Variants in RYR2 observed in about 807,000 individuals in gnomAD.
RYR2 encodes ryanodine receptor 2.
In RYR2, 227 loss-of-function variants were observed where a neutral mutation model predicts 601.1. That is an observed-to-expected ratio of 0.38 (90% CI 0.34 to 0.42). The LOEUF is 0.42. Among genes scored for constraint, RYR2 ranks in the 10% least tolerant of loss-of-function variants. The probability of loss-of-function intolerance (pLI) is 1.00; values close to 1 mark genes in which losing one functional copy is unlikely to be tolerated. For synonymous variants in RYR2, 2,223 were observed against 2,175.1 expected (o/e 1.02, Z -0.61); for missense variants, 4,646 against 6,156.5 (o/e 0.75, Z 8.21).
intron 29 of RYR2, among the ~76,000 whole-genome samples, chr1:237,585,726 G>GA (rs1249130932): frequency 6.6e-6 from 1 of 151,922 alleles, no homozygotes; most frequent in Non-Finnish European, 1.5e-5. Context: ...CTTAAAATGA[G>GA]AAAAAAATAT....
At position 237,108,304 on chromosome 1, in the gene RYR2, C is replaced by T. The variant is rs540800697; in HGVS notation, c.48+65735C>T. Among the ~76,000 whole-genome samples, 168 of 152,276 alleles carry T rather than the reference C, an allele frequency of 1.1e-3. 2 individuals carry two copies. The highest frequency in any genetic ancestry group is 0.011 in the Admixed American group (165 of 15,292). On this transcript the variant is annotated intron_variant, in intron 1 of 104. Coordinates refer to ENST00000366574, the MANE Select transcript of RYR2 (RefSeq NM_001035.3). ...GGCCCAGTATATGATACTCCCCTTT[C>T]CTGCCCAGCTTCTGAATGAATTGAG...
At chr1:237,394,126 T>C (rs1702619627) in intron 10 of RYR2, among the ~76,000 whole-genome samples, 1 of 152,240 alleles carries the variant, frequency 6.6e-6, no homozygotes, top group African/African-American at 2.4e-5. Context: ...ACTTAATCTA[T>C]ATGTAAGCAA....
chr1:237,140,552 A>C (rs1673278197), intron 1 of RYR2, among the ~76,000 whole-genome samples: 1 of 152,178 alleles, frequency 6.6e-6, no homozygotes, highest in African/African-American at 2.4e-5. Flanking sequence ...TCTCCTTATA[A>C]AATTGGAGAC....
Position 237,783,853 on chromosome 1 carries a change from C to T in RYR2, c.12141C>T (p.Asp4047=), listed in dbSNP as rs1232796204. Residue 4047 remains aspartate (D), a synonymous_variant, in exon 90 of 105, where the codon GAC becomes GAT. Coordinates refer to ENST00000366574, the MANE Select transcript of RYR2 (RefSeq NM_001035.3). ...GCAAGGGAGTCATTTCCAAGAGGGA[C>T]TTCCACAAAGCGATGGAGAGCCATA... is the stretch of plus-strand genomic sequence containing the variant. ...PDGKGVISKR[D]FHKAMESHKH... 2 of 1,613,730 alleles carry T rather than the reference C, an allele frequency of 1.2e-6. No homozygotes were observed. The highest frequency in any genetic ancestry group is 4.5e-5 in the East Asian group (2 of 44,856).
chr1:237,550,538 C>T lies in RYR2; in HGVS notation c.3067-6C>T. 6.2e-7 allele frequency: 1 copy of T among 1,608,152 alleles called. No homozygotes were observed. Among genetic ancestry groups the T allele is most frequent in the Non-Finnish European group, 8.5e-7 (1 of 1,177,302 alleles). On this transcript the variant is annotated splice_polypyrimidine_tract_variant and splice_region_variant and intron_variant, in intron 26 of 104. Transcript: ENST00000366574. ...TTTGACGGCTGCACCCTGTGTTTTC[C>T]TGCAGGACGTAAAGAACAGAAGAAA... is the stretch of plus-strand genomic sequence containing the variant.
chr1:237,523,029 A>G (rs1464279076), intron 24 of RYR2, among the ~76,000 whole-genome samples: 1 of 152,230 alleles, frequency 6.6e-6, no homozygotes, highest in Non-Finnish European at 1.5e-5. Context: ...AAATCATCAA[A>G]TAAAGTGGTT....
intron 25 of RYR2, among the ~76,000 whole-genome samples, chr1:237,535,013 T>A (rs1668460527): frequency 6.6e-6 from 1 of 151,930 alleles, no homozygotes; most frequent in South Asian, 2.1e-4. Context: ...AAGTTCAATA[T>A]ATAATACCTC....
At chr1:237,043,024 G>C (rs1010021242) in intron 1 of RYR2, among the ~76,000 whole-genome samples, 42 of 152,328 alleles carry the variant, frequency 2.8e-4, no homozygotes, top group African/African-American at 1.0e-3. Flanking sequence ...CCGCCGCCGG[G>C]AGGTTTCTTG....
intron 25 of RYR2, among the ~76,000 whole-genome samples, chr1:237,545,829 G>T (rs1468205835): frequency 2.6e-5 from 4 of 151,758 alleles, no homozygotes; most frequent in Non-Finnish European, 4.4e-5. Flanking sequence ...GGAGGCTGAG[G>T]CAGGAGGACT....
chr1:237,045,120 A>C (rs972830227), intron 1 of RYR2, among the ~76,000 whole-genome samples: 8 of 152,186 alleles, frequency 5.3e-5, no homozygotes, highest in Admixed American at 2.6e-4. Flanking sequence ...ATTTGATGGG[A>C]CATTTCATAT....
At position 237,723,592 on chromosome 1, in the gene RYR2, A is replaced by G. The variant is rs1255360293; in HGVS notation, c.10689+330A>G. ...AGTTACATCTGATTTCAAATACTTTATGCATACTTCATTTTTTAATATTGC... is the reference window on the plus strand; with the variant it reads ...AGTTACATCTGATTTCAAATACTTTGTGCATACTTCATTTTTTAATATTGC... On this transcript the variant is annotated intron_variant, in intron 74 of 104. Coordinates refer to ENST00000366574, the MANE Select transcript of RYR2 (RefSeq NM_001035.3). Among the ~76,000 whole-genome samples the G allele has an allele frequency of 3.3e-5, 5 of 152,258 alleles. No homozygotes were observed. The East Asian group carries it at 5.8e-4, about 18-fold the overall frequency.
intron 1 of RYR2, among the ~76,000 whole-genome samples, chr1:237,222,730 C>A (rs1683956305): frequency 6.6e-6 from 1 of 152,068 alleles, no homozygotes. Context: ...CCGGCATTTT[C>A]TAACCCCAAA....
At chr1:237,362,718 C>T (rs1338308265) in intron 4 of RYR2, among the ~76,000 whole-genome samples, 1 of 152,140 alleles carries the variant, frequency 6.6e-6, no homozygotes, top group Non-Finnish European at 1.5e-5. Context: ...ATGGTTTGTA[C>T]AGAAAGTTAT....
At chr1:237,201,299 T>C (rs892775518) in intron 1 of RYR2, among the ~76,000 whole-genome samples, 1 of 152,236 alleles carries the variant, frequency 6.6e-6, no homozygotes, top group Non-Finnish European at 1.5e-5. Flanking sequence ...CTCACTATTA[T>C]TCAAGGTCTT....
intron 33 of RYR2, among the ~76,000 whole-genome samples, 191 bp from the exon 34 acceptor site, chr1:237,595,307 C>A (rs1172307125): frequency 2.0e-5 from 3 of 152,088 alleles, no homozygotes; most frequent in African/African-American, 7.2e-5. Context: ...ACTTATAAGA[C>A]CTGATTCAGA....
intron 10 of RYR2, among the ~76,000 whole-genome samples, chr1:237,405,926 C>T (rs1703820586): frequency 1.1e-5 from 1 of 94,982 alleles, no homozygotes; most frequent in African/African-American, 3.2e-5. Context: ...TCTCTTCATC[C>T]CACCATCAAC....
chr1:237,408,149 G>T (rs1298887142), intron 10 of RYR2, among the ~76,000 whole-genome samples: 2 of 151,862 alleles, frequency 1.3e-5, no homozygotes, highest in Non-Finnish European at 1.5e-5. Context: ...AGAACATCTA[G>T]ATTTTCTCTT....
chr1:237,112,518 C>T (rs955905569), intron 1 of RYR2, among the ~76,000 whole-genome samples: 2 of 150,324 alleles, frequency 1.3e-5, no homozygotes, highest in South Asian at 4.2e-4. Flanking sequence ...CCAGGCTACC[C>T]TTTAGGCAGG....
chr1:237,455,624 T>C (rs1658716472), intron 15 of RYR2, among the ~76,000 whole-genome samples: 1 of 152,164 alleles, frequency 6.6e-6, no homozygotes, highest in South Asian at 2.1e-4. Flanking sequence ...CAGAAAGGGT[T>C]ATTACTAGGT....
Sources: gnomAD v4.1 joint callset for allele counts (sites outside exome capture counted in the v4.1 genomes callset) on GRCh38, gnomAD v4.1.1 for gene constraint, MANE v1.5 for transcripts, NCBI Gene and HGNC (gene_info 2026-07-23, HGNC 2026-07-21) for gene names.